The following ARHGAP39 variants were observed in gnomAD, a reference collection of about 807,000 sequenced individuals.
ARHGAP39 encodes rho GTPase-activating protein 39.
Under a neutral mutation model 106.9 loss-of-function variants are expected in ARHGAP39, and 44 were observed. That is an observed-to-expected ratio of 0.41 (90% CI 0.32 to 0.53). ARHGAP39 has a LOEUF of 0.53. Among genes scored for constraint, ARHGAP39 ranks in the 20% least tolerant of loss-of-function variants. The probability of loss-of-function intolerance (pLI) is 0.21; values close to 1 mark genes in which losing one functional copy is unlikely to be tolerated. For missense variants in ARHGAP39, 1,496 were observed against 1,577.3 expected (o/e 0.95, Z 0.87); for synonymous variants, 768 against 693.2 (o/e 1.11, Z -1.69).
chr8:144,541,343 C>T (rs115103820), intron 6 of ARHGAP39, among the ~76,000 whole-genome samples: 1,587 of 152,284 alleles, frequency 0.01, 32 homozygotes, highest in African/African-American at 0.036. Flanking sequence ...GCTGTTCTTC[C>T]TTTTCCATTT....
chr8:144,577,550 GA>G (rs1182460258), intron 3 of ARHGAP39, among the ~76,000 whole-genome samples: 1 of 152,144 alleles, frequency 6.6e-6, no homozygotes, highest in Non-Finnish European at 1.5e-5. Flanking sequence ...TTAAGGAGAA[GA>G]AAAAGGCATC....
intron 6 of ARHGAP39, among the ~76,000 whole-genome samples, chr8:144,540,422 G>A (rs568588165): frequency 7.9e-5 from 12 of 152,258 alleles, no homozygotes; most frequent in African/African-American, 2.4e-4. Context: ...CTCCACCCTG[G>A]AGACCCTGTC....
In ARHGAP39 at chr8:144,641,240, G is replaced by T. The variant is rs1254097369; in HGVS notation, c.-81-35545C>A. On this transcript the variant is annotated intron_variant, in intron 1 of 11. Transcript: ENST00000377307. The surrounding 1 kb of genome is among the most constrained non-coding windows in gnomAD (Gnocchi z 5.2). ...ATGACATCTGGGACCCTGGGGCACC[G>T]GTCTCTGGCCCTCAAGGCACCAGAG... 6.6e-6 allele frequency among the ~76,000 whole-genome samples: 1 copy of T among 152,116 alleles called. No homozygotes were observed. Among genetic ancestry groups the T allele is most frequent in the African/African-American group, 2.4e-5 (1 of 41,496 alleles).
intron 7 of ARHGAP39, among the ~76,000 whole-genome samples, chr8:144,535,453 G>A (rs1268389535): frequency 6.6e-6 from 1 of 152,242 alleles, no homozygotes; most frequent in Admixed American, 6.5e-5. Flanking sequence ...CTCTGGGCAG[G>A]CTATGAGGTA....
chr8:144,611,138 T>C (rs117136674), intron 1 of ARHGAP39, among the ~76,000 whole-genome samples: 4,093 of 152,358 alleles, frequency 0.027, 96 homozygotes, highest in Admixed American at 0.066. Context: ...TTTCTAACCT[T>C]TCTTTTGATT....
intron 1 of ARHGAP39, among the ~76,000 whole-genome samples, chr8:144,634,131 T>C (rs1389430064): frequency 3.9e-5 from 6 of 151,946 alleles, no homozygotes; most frequent in Non-Finnish European, 2.9e-5. Context: ...TGGCGCATTC[T>C]CCACTCCAGT....
At chr8:144,623,755 C>T (rs974033517) in intron 1 of ARHGAP39, among the ~76,000 whole-genome samples, 4 of 152,200 alleles carry the variant, frequency 2.6e-5, no homozygotes, top group African/African-American at 9.7e-5. Context: ...CATGAAGCAA[C>T]GTCTGGGCAA....
chr8:144,547,107 C>T lies in ARHGAP39; in HGVS notation c.1959+20G>A, dbSNP rs376270412. The T allele has an allele frequency of 1.2e-5, 19 of 1,553,796 alleles. No individual in the cohort carries two copies. Among genetic ancestry groups the T allele is most frequent in the Middle Eastern group, 1.8e-4 (1 of 5,508 alleles). ...CTGGCCCCAGGCTCTCAAGCTCAGC[C>T]GCGCCCATTGGGCCCTCACCTGTGA... On this transcript the variant is annotated intron_variant, in intron 5 of 11. Coordinates refer to ENST00000377307, the MANE Select transcript of ARHGAP39 (RefSeq NM_025251.3). The surrounding 1 kb of genome is among the most constrained non-coding windows in gnomAD (Gnocchi z 5.2).
chr8:144,621,051 GCCC>G (rs1820795948), intron 1 of ARHGAP39, among the ~76,000 whole-genome samples: 1 of 152,284 alleles, frequency 6.6e-6, no homozygotes, highest in Non-Finnish European at 1.5e-5. Context: ...ACCACCCAGA[GCCC>G]CAGTTGGCAG....
At chr8:144,566,862 GA>G (rs376603057) in intron 3 of ARHGAP39, among the ~76,000 whole-genome samples, 9,041 of 92,868 alleles carry the variant, frequency 0.097, 490 homozygotes, top group African/African-American at 0.19. Context: ...CTCAAAAAAA[GA>G]AAAAAAAAAA....
At position 144,639,661 on chromosome 8, in the gene ARHGAP39, GA is replaced by G. The variant is rs575950937; in HGVS notation, c.-81-33967del. Among the ~76,000 whole-genome samples the G allele has an allele frequency of 2.7e-3, 409 of 149,044 alleles. 3 individuals are homozygous for G. Among genetic ancestry groups the G allele is most frequent in the Non-Finnish European group, 4.4e-3 (296 of 67,108 alleles). ...TTTTAACAAAATGAAGTGCAGGGGA[GA>G]AAAAAAAAATCCTCAAGTTGCATTT... is the stretch of plus-strand genomic sequence containing the variant. On this transcript the variant is annotated intron_variant, in intron 1 of 11. Coordinates refer to ENST00000377307, the MANE Select transcript of ARHGAP39 (RefSeq NM_025251.3).
At chr8:144,538,152 G>C (rs1817041127) in intron 6 of ARHGAP39, among the ~76,000 whole-genome samples, 1 of 152,252 alleles carries the variant, frequency 6.6e-6, no homozygotes, top group South Asian at 2.1e-4. Flanking sequence ...TGGCAGCAAG[G>C]CTGGGGCAGC....
intron 6 of ARHGAP39, among the ~76,000 whole-genome samples, chr8:144,540,664 C>T (rs558022837): frequency 6.6e-6 from 1 of 151,942 alleles, no homozygotes; most frequent in Non-Finnish European, 1.5e-5. Context: ...ATTAGCTGGG[C>T]TTGGTAGTGC....
chr8:144,544,267 C>T (rs1458414183), intron 6 of ARHGAP39, among the ~76,000 whole-genome samples: 7 of 152,376 alleles, frequency 4.6e-5, no homozygotes, highest in Non-Finnish European at 1.5e-5. Context: ...CAGGAACCTC[C>T]CACTGCCCTG....
intron 1 of ARHGAP39, among the ~76,000 whole-genome samples, chr8:144,631,229 C>T (rs962866145): frequency 2.6e-5 from 4 of 152,228 alleles, no homozygotes; most frequent in African/African-American, 4.8e-5. Flanking sequence ...CCTCCAACAC[C>T]GGGGATTATA....
chr8:144,628,900 C>T (rs1381322205), intron 1 of ARHGAP39, among the ~76,000 whole-genome samples: 1 of 152,208 alleles, frequency 6.6e-6, no homozygotes, highest in Non-Finnish European at 1.5e-5. Context: ...CTCCCACCAC[C>T]GAAATCCAGC....
chr8:144,615,774 G>A (rs575537602), intron 1 of ARHGAP39, among the ~76,000 whole-genome samples: 2 of 152,384 alleles, frequency 1.3e-5, no homozygotes, highest in Admixed American at 6.5e-5. Flanking sequence ...TCGGCTGTGA[G>A]CTGGAGACAC....
intron 3 of ARHGAP39, among the ~76,000 whole-genome samples, chr8:144,567,874 T>C (rs1033228645): frequency 6.6e-6 from 1 of 152,148 alleles, no homozygotes; most frequent in African/African-American, 2.4e-5. Context: ...TGCCCCTTTG[T>C]CTTGTATCCA....
At chr8:144,611,936 G>A (rs1820503030) in intron 1 of ARHGAP39, among the ~76,000 whole-genome samples, 1 of 151,984 alleles carries the variant, frequency 6.6e-6, no homozygotes, top group African/African-American at 2.4e-5. Flanking sequence ...CTGAATCTGG[G>A]AGGTGGAGGT....
Sources: gnomAD v4.1 joint callset for allele counts (sites outside exome capture counted in the v4.1 genomes callset) on GRCh38, gnomAD v4.1.1 for gene constraint, Gnocchi (gnomAD v3.1) non-coding constraint, MANE v1.5 for transcripts, NCBI Gene and HGNC (gene_info 2026-07-23, HGNC 2026-07-21) for gene names.